The following PLCB1 variants were observed in gnomAD, a reference collection of about 807,000 sequenced individuals.
The protein encoded by PLCB1 is 1-phosphatidylinositol 4,5-bisphosphate phosphodiesterase beta-1.
A neutral mutation model predicts 161.8 loss-of-function variants in PLCB1; 46 were observed. The observed-to-expected ratio is 0.28, with a 90% CI of 0.22 to 0.36. The LOEUF (loss-of-function observed/expected upper bound fraction) is 0.36. PLCB1 is among the 10% of genes least tolerant of loss of function. The pLI, the probability that PLCB1 is intolerant of heterozygous loss-of-function variation, is 1.00. For synonymous variants in PLCB1, 517 were observed against 503.7 expected, an observed-to-expected ratio of 1.03 and a Z score of -0.35; for missense variants, 1,016 against 1,472.5, an observed-to-expected ratio of 0.69 and a Z score of 5.07.
chr20:8,258,489 T>C (rs1568608055), intron 2 of PLCB1, among the ~76,000 whole-genome samples: 1 of 152,136 alleles, frequency 6.6e-6, no homozygotes, highest in Non-Finnish European at 1.5e-5. Flanking sequence ...AGAAAAACGT[T>C]TGGTATGTGA....
intron 9 of PLCB1, among the ~76,000 whole-genome samples, chr20:8,681,104 A>ATG (rs1990205658): frequency 7.5e-6 from 1 of 133,680 alleles, no homozygotes; most frequent in African/African-American, 2.8e-5. Flanking sequence ...ATATATATAT[A>ATG]TATATATATA....
At chr20:8,141,100 A>G (rs928968115) in intron 1 of PLCB1, among the ~76,000 whole-genome samples, 9 of 152,196 alleles carry the variant, frequency 5.9e-5, no homozygotes, top group Non-Finnish European at 1.5e-5. Context: ...GTGGCCAACA[A>G]AAAGCTTTTA....
At chr20:8,629,598 A>C (rs918506923) in intron 4 of PLCB1, among the ~76,000 whole-genome samples, 1 of 152,210 alleles carries the variant, frequency 6.6e-6, no homozygotes, top group Non-Finnish European at 1.5e-5. Flanking sequence ...TGAGAATATG[A>C]ATCTAAGAAA....
rs573597920 is a variant in PLCB1 at position 8,842,912 on chromosome 20, ACTT to A, written c.3424-38703_3424-38701del. ...ATTCCGTTTCTGCCTTTTAGTTTTT[ACTT>A]CTTCTTTCTTTGGAGGCAGAAATTG... On this transcript the variant is annotated intron_variant, in intron 31 of 31. Transcript: ENST00000338037. Among the ~76,000 whole-genome samples, 246 of 152,190 alleles carry A rather than the reference ACTT, an allele frequency of 1.6e-3. 2 individuals are homozygous for A. Among genetic ancestry groups the A allele is most frequent in the South Asian group, 5.2e-3 (25 of 4,822 alleles).
intron 2 of PLCB1, among the ~76,000 whole-genome samples, chr20:8,353,044 C>T (rs1048187973): frequency 1.3e-5 from 2 of 152,036 alleles, no homozygotes; most frequent in African/African-American, 4.8e-5. Flanking sequence ...CATAACCAGC[C>T]CCCTGAACTT....
At chr20:8,182,879 C>G (rs1218858489) in intron 2 of PLCB1, among the ~76,000 whole-genome samples, 1 of 152,136 alleles carries the variant, frequency 6.6e-6, no homozygotes, top group Non-Finnish European at 1.5e-5. Flanking sequence ...CCGTGCCTGG[C>G]TGCACAGTTG....
At chr20:8,612,345 G>A (rs960447674) in intron 3 of PLCB1, among the ~76,000 whole-genome samples, 17 of 152,086 alleles carry the variant, frequency 1.1e-4, no homozygotes. Context: ...AGTTTTCCTG[G>A]GATTCTATGA....
intron 2 of PLCB1, among the ~76,000 whole-genome samples, chr20:8,307,443 A>G (rs943622764): frequency 6.6e-6 from 1 of 152,222 alleles, no homozygotes; most frequent in African/African-American, 2.4e-5. Flanking sequence ...TAATCTGTCG[A>G]CGACCTGACT....
intron 2 of PLCB1, among the ~76,000 whole-genome samples, chr20:8,252,365 G>A (rs1051357910): frequency 6.6e-6 from 1 of 151,746 alleles, no homozygotes; most frequent in Non-Finnish European, 1.5e-5. Flanking sequence ...TATGCCTAAA[G>A]GTCAGTGAAT....
intron 2 of PLCB1, among the ~76,000 whole-genome samples, chr20:8,155,966 G>A (rs1354491121): frequency 6.6e-6 from 1 of 152,176 alleles, no homozygotes; most frequent in African/African-American, 2.4e-5. Flanking sequence ...CTAAGCAGCA[G>A]CATCTGGGGA....
At chr20:8,704,222 G>A (rs150409444) in intron 11 of PLCB1, among the ~76,000 whole-genome samples, 46 of 152,218 alleles carry the variant, frequency 3.0e-4, no homozygotes, top group African/African-American at 1.1e-3. Flanking sequence ...GGGTGTGGTG[G>A]TACATGCCTG....
chr20:8,411,877 G>C (rs1340225560), intron 3 of PLCB1, among the ~76,000 whole-genome samples: 2 of 152,062 alleles, frequency 1.3e-5, no homozygotes, highest in Non-Finnish European at 2.9e-5. Flanking sequence ...CAAAAAATTA[G>C]CCAGGTGTGG....
chr20:8,835,654 A>G (rs1001271493), intron 31 of PLCB1, among the ~76,000 whole-genome samples: 1 of 152,040 alleles, frequency 6.6e-6, no homozygotes, highest in Non-Finnish European at 1.5e-5. Context: ...GACAATGCAT[A>G]TACATGTAGA....
At chr20:8,363,345 A>G (rs919229039) in intron 2 of PLCB1, among the ~76,000 whole-genome samples, 8 of 151,948 alleles carry the variant, frequency 5.3e-5, no homozygotes, top group Admixed American at 2.6e-4. Context: ...TCCTCTTCCA[A>G]GCTCATTTAG....
At chr20:8,504,538 A>G (rs1037383516) in intron 3 of PLCB1, among the ~76,000 whole-genome samples, 3 of 152,244 alleles carry the variant, frequency 2.0e-5, no homozygotes. Context: ...TGAAATTCAC[A>G]TAATTAGAAA....
intron 2 of PLCB1, among the ~76,000 whole-genome samples, chr20:8,214,000 A>G (rs928063281): frequency 6.6e-6 from 1 of 152,102 alleles, no homozygotes; most frequent in African/African-American, 2.4e-5. Flanking sequence ...TAATCCTTAA[A>G]TATTAGACCA....
intron 2 of PLCB1, among the ~76,000 whole-genome samples, chr20:8,322,194 T>C (rs1984950483): frequency 6.6e-6 from 1 of 152,136 alleles, no homozygotes; most frequent in Non-Finnish European, 1.5e-5. Context: ...CACCTGTCAT[T>C]GCTTCCTGGG....
intron 4 of PLCB1, among the ~76,000 whole-genome samples, chr20:8,643,742 GCCCTCT>G (rs199565985): frequency 0.18 from 18,766 of 101,716 alleles, 1,737 homozygotes; most frequent in African/African-American, 0.29. Context: ...ACAAAAAATA[GCCCTCT>G]CCCTCTCCCT....
At chr20:8,227,041 A>T (rs1979733383) in intron 2 of PLCB1, among the ~76,000 whole-genome samples, 1 of 152,220 alleles carries the variant, frequency 6.6e-6, no homozygotes. Flanking sequence ...CTGAAATGTT[A>T]TCATTTCAAC....
Sources: gnomAD v4.1 joint callset for allele counts (sites outside exome capture counted in the v4.1 genomes callset) on GRCh38, gnomAD v4.1.1 for gene constraint, MANE v1.5 for transcripts, NCBI Gene and HGNC (gene_info 2026-07-23, HGNC 2026-07-21) for gene names.